The following MARK3 variants were observed in gnomAD, a reference collection of about 807,000 sequenced individuals.
MARK3 encodes MAP/microtubule affinity-regulating kinase 3.
A neutral mutation model predicts 90.1 loss-of-function variants in MARK3; 46 were observed. That is an observed-to-expected ratio of 0.51 (90% CI 0.40 to 0.65). The LOEUF (loss-of-function observed/expected upper bound fraction) is 0.65, where lower values mean the gene tolerates loss of function less well. MARK3 is among the 30% of genes least tolerant of loss of function. The pLI, the probability that MARK3 is intolerant of heterozygous loss-of-function variation, is 0.00. For missense variants in MARK3, 818 were observed against 947.2 expected, an observed-to-expected ratio of 0.86 and a Z score of 1.79; for synonymous variants, 321 against 332.6, an observed-to-expected ratio of 0.97 and a Z score of 0.38.
chr14:103,492,013 T>G lies in MARK3; in HGVS notation c.1823T>G (p.Leu608Ter). The change falls in exon 15 of 18, where the codon TTA (leucine) becomes TGA (stop). Residue 608 changes from leucine (L) to a stop codon, truncating the protein, a stop_gained. Transcript: ENST00000429436. LOFTEE classifies it high-confidence loss of function. ...SRGSTNLFSKLTSKLTRRNMS... is the reference protein window; with the variant it reads ...SRGSTNLFSK ...GGCTCCACTAATCTCTTTAGTAAAT[T>G]AACTTCAAAACTCACAAGGAGGTAA... is the stretch of plus-strand genomic sequence containing the variant. 1.2e-6 allele frequency: 2 copies of G among 1,614,224 alleles called. No homozygotes were observed. The highest frequency in any genetic ancestry group is 8.5e-7 in the Non-Finnish European group (1 of 1,180,046).
At chr14:103,420,324 G>C (rs2092154744) in intron 2 of MARK3, among the ~76,000 whole-genome samples, 2 of 152,020 alleles carry the variant, frequency 1.3e-5, no homozygotes, top group South Asian at 4.2e-4. Context: ...CTACCTCCTG[G>C]GCCCAAGCAG....
chr14:103,431,838 A>G lies in MARK3; in HGVS notation c.297+3398A>G, dbSNP rs1274977755. On this transcript the variant is annotated intron_variant, in intron 3 of 17. Transcript: ENST00000429436. ...ATATGGAGTTATAGTTACTCCAAAC[A>G]TAACCAGCCCTTAGAAGTTGCTATT... 2.6e-5 allele frequency among the ~76,000 whole-genome samples: 4 copies of G among 152,200 alleles called. No homozygotes were observed. In the South Asian group the frequency reaches 6.2e-4, roughly 24 times the overall value.
At chr14:103,420,004 G>T (rs2092139010) in intron 2 of MARK3, among the ~76,000 whole-genome samples, 1 of 151,114 alleles carries the variant, frequency 6.6e-6, no homozygotes, top group African/African-American at 2.4e-5. Flanking sequence ...AAAAGAAACA[G>T]AAACTTTTGG....
chr14:103,450,875 AGTGTGTGTGTGTGTGT>A (rs61183226), intron 4 of MARK3, among the ~76,000 whole-genome samples: 1,869 of 114,806 alleles, frequency 0.016, 36 homozygotes, highest in African/African-American at 0.047. Context: ...TCATTTTTAA[AGTGTGTGTGTGTGTGT>A]GTGTGTGTGT....
chr14:103,402,889 T>A (rs2140635182), intron 1 of MARK3, among the ~76,000 whole-genome samples: 1 of 152,276 alleles, frequency 6.6e-6, no homozygotes, highest in South Asian at 2.1e-4. Context: ...TGAGTGACAG[T>A]GGTGGGTAAT....
chr14:103,385,987 T>C lies in MARK3; in HGVS notation c.-43T>C, dbSNP rs746487188. 17 of 1,562,346 alleles carry C rather than the reference T, an allele frequency of 1.1e-5. 1 individual carries two copies. The South Asian group carries it at 1.9e-4, about 17-fold the overall frequency. On this transcript the variant is annotated 5_prime_UTR_variant, in exon 1 of 18. Coordinates refer to ENST00000429436, the MANE Select transcript of MARK3 (RefSeq NM_001128918.3). ...CGCCGGCCTCCTAGGGCTGTGCTGT[T>C]TTGTTTTGACCCTCGCATTGTGCAG...
chr14:103,480,180 G>A (rs1397166145), intron 13 of MARK3, among the ~76,000 whole-genome samples: 3 of 152,142 alleles, frequency 2.0e-5, no homozygotes, highest in Non-Finnish European at 2.9e-5. Flanking sequence ...CAGCTACTTG[G>A]GAGGCTGTGG....
chr14:103,471,469 G>A (rs780882638), intron 12 of MARK3, among the ~76,000 whole-genome samples: 4 of 152,220 alleles, frequency 2.6e-5, no homozygotes, highest in Non-Finnish European at 4.4e-5. Flanking sequence ...TCCAAGCCCT[G>A]TGTTTTTTCT....
At chr14:103,386,627 C>T (rs1262963406) in intron 1 of MARK3, among the ~76,000 whole-genome samples, 2 of 152,326 alleles carry the variant, frequency 1.3e-5, no homozygotes, top group East Asian at 3.9e-4. Flanking sequence ...AATTCCAAAA[C>T]ACTAGCGCGC....
Position 103,464,914 on chromosome 14 carries a change from G to A in MARK3, c.541-643G>A, listed in dbSNP as rs144004837. Reference sequence around the variant, plus strand: ...GGGTCTCACTATGTTGCCCAAGCTGGTCTTGAACTCCTGGGCTCAAGTGAG... The same window carrying A: ...GGGTCTCACTATGTTGCCCAAGCTGATCTTGAACTCCTGGGCTCAAGTGAG... On this transcript the variant is annotated intron_variant, in intron 7 of 17. Transcript: ENST00000429436. Among the ~76,000 whole-genome samples, 848 of 152,052 alleles carry A rather than the reference G, an allele frequency of 5.6e-3. 6 individuals are homozygous for A. The highest frequency in any genetic ancestry group is 0.02 in the African/African-American group (816 of 41,458).
chr14:103,491,818 G>A lies in MARK3; in HGVS notation c.1628G>A (p.Ser543Asn). The change falls in exon 15 of 18, where the codon AGT becomes AAT. Residue 543 changes from serine to asparagine, a missense_variant. Around this residue, in one of 3 missense-constraint regions of MARK3, gnomAD observed 560 missense variants for 613.5 expected, o/e 0.91. Coordinates refer to ENST00000429436, the MANE Select transcript of MARK3 (RefSeq NM_001128918.3). ...AGAACTCCAGTTGCTTCAACACACA[G>A]TATCAGTAGTGCAGCCACCCCAGAT... is the stretch of plus-strand genomic sequence containing the variant. ...DQRTPVASTH[S>N]ISSAATPDRI... 1 of 1,614,120 alleles carries A rather than the reference G, an allele frequency of 6.2e-7. No homozygotes were observed. The highest frequency in any genetic ancestry group is 1.1e-5 in the South Asian group (1 of 91,076).
intron 3 of MARK3, among the ~76,000 whole-genome samples, chr14:103,445,877 G>A (rs151269069): frequency 6.6e-6 from 1 of 152,312 alleles, no homozygotes; most frequent in African/African-American, 2.4e-5. Flanking sequence ...AACAAGCATT[G>A]TGCTGCGGAG....
chr14:103,415,365 C>G (rs982880948), intron 2 of MARK3, among the ~76,000 whole-genome samples: 4 of 151,900 alleles, frequency 2.6e-5, no homozygotes, highest in African/African-American at 9.7e-5. Context: ...TGACCATGAA[C>G]CAATCAGAAA....
intron 3 of MARK3, among the ~76,000 whole-genome samples, chr14:103,443,927 G>C (rs1288817303): frequency 6.6e-6 from 1 of 152,074 alleles, no homozygotes; most frequent in Non-Finnish European, 1.5e-5. Flanking sequence ...AGTGATGAGG[G>C]AGTGACTTAG....
At chr14:103,498,575 TG>T in intron 16 of MARK3, 47 bp downstream of exon 16, 1 of 1,317,148 alleles carries the variant, frequency 7.6e-7, no homozygotes, top group Non-Finnish European at 9.8e-7. Context: ...CACTCCCAAA[TG>T]GCTCCTGCAA....
chr14:103,471,332 T>G (rs888203358), intron 12 of MARK3, among the ~76,000 whole-genome samples: 1 of 152,196 alleles, frequency 6.6e-6, no homozygotes, highest in Non-Finnish European at 1.5e-5. Context: ...TAAAAAGAGC[T>G]TTAGACATGG....
chr14:103,433,439 A>G (rs942132142), intron 3 of MARK3, among the ~76,000 whole-genome samples: 3 of 151,150 alleles, frequency 2.0e-5, no homozygotes, highest in Non-Finnish European at 2.9e-5. Context: ...CACGCCAATA[A>G]TGGCAGTACT....
At chr14:103,449,059 A>G (rs533982883) in intron 4 of MARK3, 92 bp downstream of exon 4, 28 of 1,290,684 alleles carry the variant, frequency 2.2e-5, no homozygotes, top group Non-Finnish European at 2.8e-5. Context: ...ATGGTAGAGT[A>G]CACTTCTAGT....
chr14:103,483,900 G>A (rs566209574), intron 14 of MARK3, among the ~76,000 whole-genome samples: 3 of 152,328 alleles, frequency 2.0e-5, no homozygotes, highest in East Asian at 1.9e-4. Context: ...GCACTGACAC[G>A]TAGTGAGTGC....
Sources: allele counts gnomAD v4.1 joint callset (sites outside exome capture counted in the v4.1 genomes callset), GRCh38; gene constraint gnomAD v4.1.1; regional missense constraint gnomAD v4.1.1; transcripts MANE v1.5; gene names NCBI Gene and HGNC (gene_info 2026-07-23, HGNC 2026-07-21).